Variants in PTPRD observed in about 807,000 individuals in gnomAD.
The protein encoded by PTPRD is protein tyrosine phosphatase receptor type D.
In PTPRD, 34 loss-of-function variants were observed where a neutral mutation model predicts 214.5. The ratio of observed to expected loss-of-function variants is 0.16; its 90% CI spans 0.12 to 0.21. The LOEUF (loss-of-function observed/expected upper bound fraction) is 0.21. PTPRD is among the 10% of genes least tolerant of loss of function. PTPRD has a pLI of 1.00. For synonymous variants in PTPRD, 1,128 were observed against 845.7 expected (o/e 1.33, Z -5.79); for missense variants, 2,545 against 2,398.7 (o/e 1.06, Z -1.27).
At chr9:8,899,021 T>G (rs1485876647) in intron 11 of PTPRD, among the ~76,000 whole-genome samples, 3 of 152,200 alleles carry the variant, frequency 2.0e-5, no homozygotes, top group Non-Finnish European at 1.5e-5. Context: ...CATTTTGGAT[T>G]ATCTGCATCA....
At chr9:10,256,313 G>A (rs912941473) in intron 3 of PTPRD, among the ~76,000 whole-genome samples, 1 of 151,298 alleles carries the variant, frequency 6.6e-6, no homozygotes, top group Admixed American at 6.6e-5. Flanking sequence ...GGTCTTCGGG[G>A]GTAATAACAC....
intron 12 of PTPRD, among the ~76,000 whole-genome samples, chr9:8,690,104 TC>T (rs1371537489): frequency 2.3e-5 from 3 of 127,980 alleles, no homozygotes; most frequent in African/African-American, 9.8e-5. Flanking sequence ...CGAGACTCCA[TC>T]TTAAAAAAAA....
chr9:9,919,528 C>T (rs145605822), intron 5 of PTPRD, among the ~76,000 whole-genome samples: 1 of 152,132 alleles, frequency 6.6e-6, no homozygotes, highest in East Asian at 1.9e-4. Flanking sequence ...ATGAAGTACA[C>T]TTAAGAGCTT....
rs550200781 is a variant in PTPRD at position 10,482,401 on chromosome 9, T to C, written c.-600+129997A>G. Among the ~76,000 whole-genome samples, 22 of 151,500 alleles carry C rather than the reference T, an allele frequency of 1.5e-4. No homozygotes were observed. The South Asian group carries it at 4.4e-3, about 30-fold the overall frequency. ...ATAAATAAATAAATAAGTAAATAAA[T>C]AAATCAATCAATAATATTATAACAA... On this transcript the variant is annotated intron_variant, in intron 2 of 45. Coordinates refer to ENST00000381196, the MANE Select transcript of PTPRD (RefSeq NM_002839.4).
intron 12 of PTPRD, chr9:8,701,439 A>G (rs1489772840): frequency 6.6e-6 from 1 of 152,214 alleles, no homozygotes; most frequent in Non-Finnish European, 1.5e-5. Context: ...GCTCGAAACC[A>G]GCCTGACCAA....
intron 4 of PTPRD, among the ~76,000 whole-genome samples, chr9:10,014,763 A>G (rs1332290406): frequency 6.6e-6 from 1 of 151,976 alleles, no homozygotes; most frequent in African/African-American, 2.4e-5. Context: ...TATGATATAG[A>G]CCTATTTTGG....
chr9:8,799,476 G>A (rs1464689130), intron 11 of PTPRD, among the ~76,000 whole-genome samples: 11 of 152,152 alleles, frequency 7.2e-5, no homozygotes, highest in Admixed American at 6.5e-4. Context: ...CTAATAAAAA[G>A]AGAAAAGAAA....
intron 3 of PTPRD, among the ~76,000 whole-genome samples, chr9:10,299,826 T>G (rs2095805251): frequency 6.6e-6 from 1 of 152,204 alleles, no homozygotes; most frequent in African/African-American, 2.4e-5. Flanking sequence ...ATCTTTACAT[T>G]GCTATAATTT....
At chr9:10,507,122 CA>C (rs2046264329) in intron 2 of PTPRD, among the ~76,000 whole-genome samples, 1 of 152,032 alleles carries the variant, frequency 6.6e-6, no homozygotes, top group Admixed American at 6.6e-5. Flanking sequence ...AATCAATGTG[CA>C]AAAATCACAA....
chr9:9,478,294 A>G (rs1442516357), intron 8 of PTPRD, among the ~76,000 whole-genome samples: 3 of 152,334 alleles, frequency 2.0e-5, no homozygotes, highest in South Asian at 2.1e-4. Context: ...AAGTAAGGAA[A>G]GAAGTAAAAT....
intron 2 of PTPRD, among the ~76,000 whole-genome samples, chr9:10,559,088 T>C (rs975064173): frequency 3.9e-5 from 6 of 152,090 alleles, no homozygotes; most frequent in African/African-American, 1.4e-4. Flanking sequence ...AAATGTAATA[T>C]GAGTTAAATA....
chr9:10,476,240 GTC>G (rs1363318476), intron 2 of PTPRD, among the ~76,000 whole-genome samples: 1 of 152,072 alleles, frequency 6.6e-6, no homozygotes, highest in Non-Finnish European at 1.5e-5. Flanking sequence ...AAACCCCATA[GTC>G]TCAGCCCAAA....
At chr9:9,978,104 A>ACACACACACACG (rs145366920) in intron 4 of PTPRD, among the ~76,000 whole-genome samples, 115,442 of 151,148 alleles carry the variant, frequency 0.76, 44,634 homozygotes, top group Middle Eastern at 0.89. Flanking sequence ...ATTAAAACAC[A>ACACACACACACG]CACACACACA....
chr9:8,765,071 T>C (rs1290833887), intron 11 of PTPRD, among the ~76,000 whole-genome samples: 8 of 152,120 alleles, frequency 5.3e-5, no homozygotes, highest in Non-Finnish European at 1.0e-4. Context: ...TCTAGCTTCC[T>C]TTCAGGGCCA....
intron 3 of PTPRD, among the ~76,000 whole-genome samples, chr9:10,287,437 C>T (rs142912049): frequency 2.6e-5 from 4 of 152,218 alleles, no homozygotes; most frequent in South Asian, 4.2e-4. Context: ...ATTCAGTCCC[C>T]GCATGGAGAC....
intron 6 of PTPRD, among the ~76,000 whole-genome samples, chr9:9,751,644 G>T (rs1372718946): frequency 6.6e-6 from 1 of 152,044 alleles, no homozygotes; most frequent in African/African-American, 2.4e-5. Context: ...ACGTGAAGAA[G>T]AGACACACGG....
intron 4 of PTPRD, among the ~76,000 whole-genome samples, chr9:9,967,855 C>A (rs1178942555): frequency 6.6e-6 from 1 of 151,956 alleles, no homozygotes; most frequent in Non-Finnish European, 1.5e-5. Context: ...TGAGAAATAG[C>A]AAAAATTAAT....
intron 12 of PTPRD, among the ~76,000 whole-genome samples, chr9:8,692,766 A>G (rs1044333538): frequency 6.6e-6 from 1 of 152,152 alleles, no homozygotes; most frequent in South Asian, 2.1e-4. Flanking sequence ...ACAAAAGATT[A>G]TTTTCCAGAC....
chr9:10,097,281 A>T (rs1291562258), intron 3 of PTPRD, among the ~76,000 whole-genome samples: 2 of 139,992 alleles, frequency 1.4e-5, no homozygotes, highest in East Asian at 2.2e-4. Context: ...GAAGAAAGTC[A>T]TTGGTAGCTT....
Sources: allele counts gnomAD v4.1 joint callset (sites outside exome capture counted in the v4.1 genomes callset), GRCh38; gene constraint gnomAD v4.1.1; transcripts MANE v1.5; gene names NCBI Gene and HGNC (gene_info 2026-07-23, HGNC 2026-07-21).